CLN6: variants seen among roughly 807,000 people sequenced by gnomAD.
CLN6 encodes CLN6 transmembrane ER protein, also known as ceroid-lipofuscinosis neuronal protein 6.
A neutral mutation model predicts 33.3 loss-of-function variants in CLN6; 22 were observed. The observed-to-expected ratio is 0.66, with a 90% CI of 0.47 to 0.94. The LOEUF (loss-of-function observed/expected upper bound fraction) is 0.94, where lower values mean the gene tolerates loss of function less well. Ranked by LOEUF, CLN6 falls within the 40% of genes least tolerant of loss-of-function variation. The pLI is 0.00. For missense variants in CLN6, 387 were observed against 417.1 expected (o/e 0.93, Z 0.63); for synonymous variants, 201 against 174.6 (o/e 1.15, Z -1.19).
chr15:68,207,551 G>C lies in CLN6; in HGVS notation c.*589C>G, dbSNP rs899999770. 5.7e-6 allele frequency: 1 copy of C among 176,220 alleles called. No homozygotes were observed. The highest frequency in any genetic ancestry group is 1.2e-5 in the Non-Finnish European group (1 of 81,158). The allele number at this position is 176,220 out of a possible 1,614,324, so 10.9% of individuals were successfully genotyped here. A position where few individuals can be genotyped will look rare whatever the true frequency, so the allele number is the denominator to read the frequency against. The stretch of plus-strand genomic sequence containing the variant: ...AGAGCCACTCATCTGTCCCAAAGCT[G>C]CACCCAAGGGGTGTCAGCAACCCCA... On this transcript the variant is annotated 3_prime_UTR_variant, in exon 7 of 7. Coordinates refer to ENST00000249806, the MANE Select transcript of CLN6 (RefSeq NM_017882.3).
chr15:68,216,068 G>A (rs537736514), intron 2 of CLN6, among the ~76,000 whole-genome samples: 8 of 152,218 alleles, frequency 5.3e-5, no homozygotes, highest in East Asian at 1.9e-4. Context: ...AAATGTCTAC[G>A]TTCCACCAAG....
chr15:68,231,207 T>C (rs969033204), upstream of CLN6, among the ~76,000 whole-genome samples: 8 of 152,156 alleles, frequency 5.3e-5, no homozygotes, highest in African/African-American at 1.7e-4. Flanking sequence ...CTGGGAGTCA[T>C]TTTCCATCAG....
chr15:68,218,268 G>A (rs996754086), intron 2 of CLN6: 7 of 392,794 alleles, frequency 1.8e-5, no homozygotes, highest in Admixed American at 3.6e-5. Flanking sequence ...CAGGCCAGAG[G>A]GGGTTACAGT....
At chr15:68,245,209 A>G (rs1337335702) in intron 1 of CLN6, among the ~76,000 whole-genome samples, 11 of 151,318 alleles carry the variant, frequency 7.3e-5, no homozygotes, top group Admixed American at 7.2e-4. Context: ...AAAATAAGTT[A>G]TCGGTTTTTT....
chr15:68,235,241 GGTGTA>G (rs1198794639), intron 1 of CLN6, among the ~76,000 whole-genome samples: 1 of 152,066 alleles, frequency 6.6e-6, no homozygotes, highest in African/African-American at 2.4e-5. Flanking sequence ...GCCTGTCCAT[GGTGTA>G]GTCACAGGTG....
intron 1 of CLN6, among the ~76,000 whole-genome samples, chr15:68,223,399 G>A (rs964363883): frequency 6.6e-5 from 10 of 152,154 alleles, no homozygotes; most frequent in African/African-American, 1.7e-4. Context: ...GGTCTGAGAC[G>A]AGTGACCAAC....
upstream of CLN6, among the ~76,000 whole-genome samples, chr15:68,230,781 A>G (rs2093267284): frequency 6.6e-6 from 1 of 152,188 alleles, no homozygotes; most frequent in Admixed American, 6.5e-5. This position sits in a 1 kb window ranked among gnomAD's most constrained non-coding sequence, Gnocchi z 4.0. Flanking sequence ...GTTACCTTCC[A>G]CACCACTGTC....
rs768484111 is a variant in CLN6, at chr15:68,220,025, C to T, written c.84-1375G>A. ...AGGCACTGCAAAGACTGTCTTCTGT[C>T]GATACTGCTGTTGCTTCCCTAATTT... On this transcript the variant is annotated intron_variant, in intron 1 of 6. Transcript: ENST00000249806. This position sits in a 1 kb window ranked among gnomAD's most constrained non-coding sequence, Gnocchi z 4.2. 5.9e-5 allele frequency among the ~76,000 whole-genome samples: 9 copies of T among 152,190 alleles called. No homozygotes were observed. The highest frequency in any genetic ancestry group is 5.2e-4 in the Admixed American group (8 of 15,270).
At chr15:68,224,530 G>A (rs1204975012) in intron 1 of CLN6, among the ~76,000 whole-genome samples, 2 of 148,692 alleles carry the variant, frequency 1.3e-5, no homozygotes, top group African/African-American at 5.0e-5. Flanking sequence ...GCTGAGGCAT[G>A]AGAATTGCTT....
rs975032562 is a variant in CLN6 at position 68,219,365 on chromosome 15, G to A, written c.84-715C>T. On this transcript the variant is annotated intron_variant, in intron 1 of 6. Coordinates refer to ENST00000249806, the MANE Select transcript of CLN6 (RefSeq NM_017882.3). This position sits in a 1 kb window ranked among gnomAD's most constrained non-coding sequence, Gnocchi z 4.2. ...TCGCTTGATTCCAGCACTGTGAGGA[G>A]GTCAGGTTGGGCTGCTGGTAATCCT... is the stretch of plus-strand genomic sequence containing the variant. Among the ~76,000 whole-genome samples, 1 of 152,166 alleles carries A rather than the reference G, an allele frequency of 6.6e-6. No individual in the cohort carries two copies. Among genetic ancestry groups the A allele is most frequent in the African/African-American group, 2.4e-5 (1 of 41,432 alleles).
In CLN6 at chr15:68,257,002, A is replaced by T. The variant is rs1419056124; in HGVS notation, c.-134T>A. On this transcript the variant is annotated 5_prime_UTR_variant, in exon 1 of 7. Transcript: ENST00000538696. ...TTCTCCGGCACACCTGTATCTAGGG[A>T]CTGAGCGCGACTGACGCAGAGGTCG... 14 of 545,436 alleles carry T rather than the reference A, an allele frequency of 2.6e-5. No individual in the cohort carries two copies. The East Asian group carries it at 2.7e-4, about 10-fold the overall frequency. The allele number at this position is 545,436 out of a possible 1,614,324, so 33.8% of individuals were successfully genotyped here. A position where few individuals can be genotyped will look rare whatever the true frequency, so the allele number is the denominator to read the frequency against.
At position 68,211,591 on chromosome 15, in the gene CLN6, C is replaced by G; in HGVS notation, c.486+84G>C. ...GCCTTTGGTGAAAGGACAGGTGCGG[C>G]GAGGGGTGGGGGCCATTTCTTCAGC... On this transcript the variant is annotated intron_variant, in intron 4 of 6. Transcript: ENST00000249806. This position sits in a 1 kb window ranked among gnomAD's most constrained non-coding sequence, Gnocchi z 5.9. 1 of 1,603,226 alleles carries G rather than the reference C, an allele frequency of 6.2e-7. No individual in the cohort carries two copies. The highest frequency in any genetic ancestry group is 1.3e-5 in the African/African-American group (1 of 74,986).
In CLN6 at chr15:68,221,840, C is replaced by A. The variant is rs866220893; in HGVS notation, c.84-3190G>T. Among the ~76,000 whole-genome samples, 33 of 149,744 alleles carry A rather than the reference C, an allele frequency of 2.2e-4. 1 individual carries two copies. Among genetic ancestry groups the A allele is most frequent in the Admixed American group, 1.1e-3 (17 of 15,068 alleles). On this transcript the variant is annotated intron_variant, in intron 1 of 6. Transcript: ENST00000249806. ...AGTGAGGAGCGCCTCTGCCCAGCTG[C>A]CCCGTCTAGGAAGTGAGGAGCGCCT...
chr15:68,226,175 T>C (rs1452446071), intron 1 of CLN6, among the ~76,000 whole-genome samples: 1 of 151,686 alleles, frequency 6.6e-6, no homozygotes, highest in Non-Finnish European at 1.5e-5. Context: ...AAAAATTAGC[T>C]GGGCGTGGTG....
rs955284527 is a variant in CLN6, at chr15:68,247,017, G to A, written c.179+9673C>T. Among the ~76,000 whole-genome samples, 2 of 151,970 alleles carry A rather than the reference G, an allele frequency of 1.3e-5. No individual in the cohort carries two copies. Among genetic ancestry groups the A allele is most frequent in the African/African-American group, 2.4e-5 (1 of 41,314 alleles). On this transcript the variant is annotated intron_variant, in intron 1 of 6. Coordinates refer to the CLN6 transcript ENST00000538696. The surrounding 1 kb of genome is among the most constrained non-coding windows in gnomAD (Gnocchi z 4.2). ...TTAAAAATACAAAAATTAGCCTGGC[G>A]TGGTGGTGCATGCCTGTAATCCCAG...
Position 68,212,091 on chromosome 15 carries a change from G to A in CLN6, c.298-228C>T, listed in dbSNP as rs1008406350. 5 of 578,008 alleles carry A rather than the reference G, an allele frequency of 8.7e-6. No homozygotes were observed. The East Asian group carries it at 1.2e-4, about 13-fold the overall frequency. 35.8% of individuals were successfully genotyped at this position (578,008 alleles called of 1,614,324 possible). On this transcript the variant is annotated intron_variant, in intron 3 of 6. Transcript: ENST00000249806. ...GCACCCCCCGCTGACTTTACCCAGGGAGCAAAAAGACCAGAGGGCCCAACT... is the reference window on the plus strand; with the variant it reads ...GCACCCCCCGCTGACTTTACCCAGGAAGCAAAAAGACCAGAGGGCCCAACT...
At chr15:68,224,080 AAAC>A (rs922115141) in intron 1 of CLN6, among the ~76,000 whole-genome samples, 2 of 151,358 alleles carry the variant, frequency 1.3e-5, no homozygotes, top group Non-Finnish European at 2.9e-5. Context: ...CAACAACAAA[AAAC>A]AACTCTAAAA....
At chr15:68,218,490 GTGTCC>G (rs1256499246) in intron 2 of CLN6, 41 bp downstream of exon 2, 1 of 1,364,612 alleles carries the variant, frequency 7.3e-7, no homozygotes, top group Non-Finnish European at 1.0e-6. Context: ...GCCACACTAA[GTGTCC>G]TCAGTGCTGG....
In CLN6 at chr15:68,246,941, A is replaced by G. The variant is rs999872470; in HGVS notation, c.179+9749T>C. Among the ~76,000 whole-genome samples, 1 of 152,124 alleles carries G rather than the reference A, an allele frequency of 6.6e-6. No individual in the cohort carries two copies. The highest frequency in any genetic ancestry group is 2.4e-5 in the African/African-American group (1 of 41,374). On this transcript the variant is annotated intron_variant, in intron 1 of 6. Transcript: ENST00000538696. The surrounding 1 kb of genome is among the most constrained non-coding windows in gnomAD (Gnocchi z 4.5). ...GAGGCCAAGGTGGGCAGATCACTTT[A>G]GGTCAGGAGTTCGAGACCAGCCTGG...
Sources: gnomAD v4.1 joint callset for allele counts (sites outside exome capture counted in the v4.1 genomes callset) on GRCh38, gnomAD v4.1.1 for gene constraint, Gnocchi (gnomAD v3.1) non-coding constraint, MANE v1.5 for transcripts, NCBI Gene and HGNC (gene_info 2026-07-23, HGNC 2026-07-21) for gene names.